The following EXOC4 variants were observed in gnomAD, a reference collection of about 807,000 sequenced individuals.
EXOC4 encodes SEC8-like 1.
A neutral mutation model predicts 107.2 loss-of-function variants in EXOC4; 71 were observed. That is an observed-to-expected ratio of 0.66 (90% CI 0.55 to 0.81). The LOEUF is 0.81. Ranked by LOEUF, EXOC4 falls within the 30% of genes least tolerant of loss-of-function variation. EXOC4 has a pLI of 0.00. For synonymous variants in EXOC4, 456 were observed against 441.2 expected (o/e 1.03, Z -0.42); for missense variants, 1,108 against 1,189.6 (o/e 0.93, Z 1.01).
At chr7:133,714,120 G>C (rs1794951994) in intron 10 of EXOC4, among the ~76,000 whole-genome samples, 1 of 152,108 alleles carries the variant, frequency 6.6e-6, no homozygotes, top group Non-Finnish European at 1.5e-5. Flanking sequence ...GCTTTCTAGA[G>C]TTGGGAGAGA....
chr7:133,773,323 G>C (rs1355786948), intron 10 of EXOC4, among the ~76,000 whole-genome samples: 1 of 151,954 alleles, frequency 6.6e-6, no homozygotes, highest in Non-Finnish European at 1.5e-5. Context: ...GCCAGAGGAA[G>C]AATTACCTGG....
chr7:133,633,588 A>T (rs1802639413), intron 10 of EXOC4, among the ~76,000 whole-genome samples: 1 of 152,062 alleles, frequency 6.6e-6, no homozygotes, highest in African/African-American at 2.4e-5. Flanking sequence ...GCATGGTGGC[A>T]TGTGCCTGTA....
At chr7:133,289,154 A>G (rs762961539) in intron 3 of EXOC4, 38 bp downstream of exon 3, 5 of 1,567,704 alleles carry the variant, frequency 3.2e-6, no homozygotes, top group Non-Finnish European at 4.4e-6. Flanking sequence ...ATTTTTGTTA[A>G]GATGTAAAAG....
chr7:133,994,550 A>G (rs1350453858), intron 14 of EXOC4, among the ~76,000 whole-genome samples: 1 of 152,222 alleles, frequency 6.6e-6, no homozygotes, highest in Non-Finnish European at 1.5e-5. Context: ...TGCTTTATGC[A>G]GTGGTCACAG....
At chr7:133,778,483 T>C (rs547000650) in intron 10 of EXOC4, among the ~76,000 whole-genome samples, 1 of 152,080 alleles carries the variant, frequency 6.6e-6, no homozygotes, top group Non-Finnish European at 1.5e-5. Flanking sequence ...ACTGGGAAGG[T>C]TGAGGCGGGA....
intron 7 of EXOC4, among the ~76,000 whole-genome samples, chr7:133,427,430 A>G (rs944944215): frequency 1.1e-4 from 17 of 152,252 alleles, no homozygotes; most frequent in Admixed American, 1.1e-3. Flanking sequence ...ATGGAATGCC[A>G]GACACATGAT....
At chr7:133,882,465 G>A (rs1798986699) in intron 11 of EXOC4, among the ~76,000 whole-genome samples, 1 of 152,208 alleles carries the variant, frequency 6.6e-6, no homozygotes, top group African/African-American at 2.4e-5. Context: ...CAGGTCCTGA[G>A]TAATTGTCCC....
At position 133,668,856 on chromosome 7, in the gene EXOC4, G is replaced by A. The variant is rs78689983; in HGVS notation, c.1514+38715G>A. ...GCCAGGTGGTGAGGGGCAGCCTCCA[G>A]GGGTCACTGGTATAAGAGGCAGGAT... On this transcript the variant is annotated intron_variant, in intron 10 of 17. Coordinates refer to ENST00000253861, the MANE Select transcript of EXOC4 (RefSeq NM_021807.4). Among the ~76,000 whole-genome samples, 736 of 152,232 alleles carry A rather than the reference G, an allele frequency of 4.8e-3. 3 individuals are homozygous for A. Among genetic ancestry groups the A allele is most frequent in the Middle Eastern group, 0.017 (5 of 294 alleles).
intron 5 of EXOC4, among the ~76,000 whole-genome samples, chr7:133,340,427 T>TC (rs1168765569): frequency 1.3e-5 from 2 of 151,476 alleles, no homozygotes; most frequent in Non-Finnish European, 3.0e-5. Flanking sequence ...ATTTTTCTTT[T>TC]TTTTTTTTTT....
intron 10 of EXOC4, among the ~76,000 whole-genome samples, chr7:133,740,681 G>A (rs572026474): frequency 6.6e-6 from 1 of 152,258 alleles, no homozygotes; most frequent in South Asian, 2.1e-4. Flanking sequence ...TATTCAGAAT[G>A]AGATATTTTC....
chr7:133,841,190 A>G (rs984171161), intron 11 of EXOC4, among the ~76,000 whole-genome samples: 1 of 152,134 alleles, frequency 6.6e-6, no homozygotes, highest in Non-Finnish European at 1.5e-5. Context: ...CACTAATCCC[A>G]TTTCATGAGG....
chr7:133,902,502 G>T (rs1799474775), intron 12 of EXOC4, among the ~76,000 whole-genome samples: 1 of 152,158 alleles, frequency 6.6e-6, no homozygotes, highest in African/African-American at 2.4e-5. Flanking sequence ...TGGGGTTTAT[G>T]TTCTGTTGTG....
intron 14 of EXOC4, among the ~76,000 whole-genome samples, chr7:133,947,779 G>A (rs1474996699): frequency 6.6e-6 from 1 of 152,172 alleles, no homozygotes; most frequent in Non-Finnish European, 1.5e-5. Context: ...CTTTGGAAAT[G>A]CCAACATTTG....
At chr7:133,517,687 C>T (rs1799903665) in intron 9 of EXOC4, among the ~76,000 whole-genome samples, 1 of 83,978 alleles carries the variant, frequency 1.2e-5, no homozygotes, top group Admixed American at 1.5e-4. Context: ...AGACCCGCCT[C>T]CATGATTCAA....
At chr7:133,358,342 G>A (rs1796068860) in intron 6 of EXOC4, among the ~76,000 whole-genome samples, 1 of 152,188 alleles carries the variant, frequency 6.6e-6, no homozygotes, top group Admixed American at 6.5e-5. Flanking sequence ...GCTTGCTTTA[G>A]ATGAGGTTAT....
chr7:133,307,746 A>G (rs1794785594), intron 4 of EXOC4, among the ~76,000 whole-genome samples: 1 of 152,160 alleles, frequency 6.6e-6, no homozygotes, highest in Non-Finnish European at 1.5e-5. Context: ...AGGGGCTTCA[A>G]ACGTGCTTAT....
intron 10 of EXOC4, among the ~76,000 whole-genome samples, chr7:133,760,256 G>A (rs1021851661): frequency 1.3e-5 from 2 of 152,126 alleles, no homozygotes; most frequent in South Asian, 4.1e-4. Flanking sequence ...AGAAAGTAAC[G>A]TTTTGAATGT....
At chr7:133,747,911 A>G (rs1795712082) in intron 10 of EXOC4, among the ~76,000 whole-genome samples, 1 of 152,190 alleles carries the variant, frequency 6.6e-6, no homozygotes, top group South Asian at 2.1e-4. Flanking sequence ...TATCCGTACC[A>G]TCACATAATT....
intron 10 of EXOC4, among the ~76,000 whole-genome samples, chr7:133,735,445 T>C (rs1795424835): frequency 6.6e-6 from 1 of 152,032 alleles, no homozygotes; most frequent in Admixed American, 6.6e-5. Context: ...CTCATCTTCC[T>C]GATCTTTTCT....
Sources: gnomAD v4.1 joint callset for allele counts (sites outside exome capture counted in the v4.1 genomes callset) on GRCh38, gnomAD v4.1.1 for gene constraint, MANE v1.5 for transcripts, NCBI Gene and HGNC (gene_info 2026-07-23, HGNC 2026-07-21) for gene names.